The following H2BC12 variants were observed in gnomAD, a reference collection of about 807,000 sequenced individuals.
The protein encoded by H2BC12 is histone H2B type 1-K.
In H2BC12, 6 loss-of-function variants were observed where a neutral mutation model predicts 6.3. The ratio of observed to expected loss-of-function variants is 0.95; its 90% CI spans 0.52 to 1.87. The LOEUF (loss-of-function observed/expected upper bound fraction) is 1.87, where lower values mean the gene tolerates loss of function less well. H2BC12 is among the 40% of genes most tolerant of loss of function. H2BC12 has a pLI of 0.01. For missense variants in H2BC12, 119 were observed against 178.4 expected, an observed-to-expected ratio of 0.67 and a Z score of 1.90; for synonymous variants, 132 against 78.5, an observed-to-expected ratio of 1.68 and a Z score of -3.60.
At chr6:27,139,336 G>A in the H2BC12 span, 1 of 1,613,248 alleles carries the variant, frequency 6.2e-7, no homozygotes, top group Non-Finnish European at 8.5e-7. Context: ...AGGAGGTAAG[G>A]GCCTGGGGAA....
At chr6:27,142,608 A>G (rs1040969589), downstream of H2BC12, among the ~76,000 whole-genome samples, 11 of 141,166 alleles carry the variant, frequency 7.8e-5, no homozygotes, top group African/African-American at 2.4e-4. Context: ...AGATAAGTAC[A>G]TGTATGACGT....
chr6:27,140,419 T>C, the H2BC12 span, among the ~76,000 whole-genome samples: 1 of 152,242 alleles, frequency 6.6e-6, no homozygotes, highest in Admixed American at 6.5e-5. Context: ...ACATTTGCTC[T>C]TGAAATATAT....
At chr6:27,146,032 A>T (rs12193820), downstream of H2BC12, among the ~76,000 whole-genome samples, 1 of 152,204 alleles carries the variant, frequency 6.6e-6, no homozygotes, top group Non-Finnish European at 1.5e-5. Flanking sequence ...ACGCCATTAC[A>T]TGGTGGAAAG....
At chr6:27,145,234 A>C (rs571906444), downstream of H2BC12, among the ~76,000 whole-genome samples, 1 of 151,800 alleles carries the variant, frequency 6.6e-6, no homozygotes, top group Admixed American at 6.6e-5. Context: ...CTAATCTCCA[A>C]ATGCCTAAGG....
At chr6:27,143,919 AAG>A (rs1467414660), downstream of H2BC12, among the ~76,000 whole-genome samples, 3 of 152,002 alleles carry the variant, frequency 2.0e-5, no homozygotes, top group East Asian at 1.9e-4. Flanking sequence ...AACAATTTAA[AAG>A]AGATTATGAA....
downstream of H2BC12, among the ~76,000 whole-genome samples, chr6:27,142,702 T>C (rs1760021783): frequency 7.6e-6 from 1 of 131,642 alleles, no homozygotes; most frequent in Admixed American, 8.3e-5. Context: ...AGTGGCACAA[T>C]TTTGGCTCAC....
chr6:27,139,563 G>A, the H2BC12 span: 1 of 1,614,122 alleles, frequency 6.2e-7, no homozygotes, highest in Non-Finnish European at 8.5e-7. Flanking sequence ...TCACCGCCAT[G>A]GACGTGGTCT....
chr6:27,146,361 T>A lies in H2BC12; in HGVS notation c.*57A>T. On this transcript the variant is annotated 3_prime_UTR_variant, in exon 1 of 1. Coordinates refer to ENST00000356950, the MANE Select transcript of H2BC12 (RefSeq NM_001312653.2). ...GTTTACAGCTCTAATATCGATAATTTAAGTGGCTCTTAAAAGAGCCTTTGG... is the reference window on the plus strand; with the variant it reads ...GTTTACAGCTCTAATATCGATAATTAAAGTGGCTCTTAAAAGAGCCTTTGG... The A allele has an allele frequency of 6.2e-7, 1 of 1,608,704 alleles. No homozygotes were observed. The highest frequency in any genetic ancestry group is 1.1e-5 in the South Asian group (1 of 90,662).
rs375407376 is a variant in H2BC12, at chr6:27,146,703, G to A, written c.96C>T (p.Arg32=). 9.9e-6 allele frequency: 16 copies of A among 1,614,270 alleles called. No homozygotes were observed. The highest frequency in any genetic ancestry group is 2.7e-5 in the African/African-American group (2 of 75,074). Residue 32 remains arginine (R), a synonymous_variant, in exon 1 of 1, where the codon CGC becomes CGT. Coordinates refer to ENST00000356950, the MANE Select transcript of H2BC12 (RefSeq NM_001312653.2). ...ATACGGAGTAGCTCTCCTTGCGGCTGCGCTTGCGCTTCTTGCCGTCCTTCT... is the reference window on the plus strand; with the variant it reads ...ATACGGAGTAGCTCTCCTTGCGGCTACGCTTGCGCTTCTTGCCGTCCTTCT... The part of the protein sequence containing the change: ...AQKKDGKKRK[R]SRKESYSVYV...
chr6:27,146,163 G>A (rs1484201245), downstream of H2BC12, among the ~76,000 whole-genome samples: 6 of 152,186 alleles, frequency 3.9e-5, no homozygotes, highest in South Asian at 2.1e-4. Context: ...CAAGTTTCCT[G>A]CACATCCCTA....
chr6:27,140,427 T>TA, the H2BC12 span, among the ~76,000 whole-genome samples: 1 of 152,376 alleles, frequency 6.6e-6, no homozygotes, highest in East Asian at 1.9e-4. Context: ...TCTTGAAATA[T>TA]ATCCGTGTTG....
downstream of H2BC12, among the ~76,000 whole-genome samples, chr6:27,143,643 AT>A (rs935761087): frequency 4.6e-5 from 7 of 151,108 alleles, no homozygotes; most frequent in African/African-American, 1.7e-4. Flanking sequence ...GACCAAACAT[AT>A]GATTGCCAAG....
At chr6:27,139,307 T>C in the H2BC12 span, 3 of 1,601,984 alleles carry the variant, frequency 1.9e-6, no homozygotes, top group Non-Finnish European at 2.6e-6. Flanking sequence ...GACCACTTGA[T>C]AATGTCAGGA....
downstream of H2BC12, among the ~76,000 whole-genome samples, chr6:27,143,170 G>T (rs1466767099): frequency 6.6e-6 from 1 of 151,904 alleles, no homozygotes; most frequent in African/African-American, 2.4e-5. Flanking sequence ...TGGCCAACAT[G>T]GTGAAATCCC....
the H2BC12 span, chr6:27,139,394 G>T: frequency 7.4e-6 from 12 of 1,614,222 alleles, no homozygotes; most frequent in Middle Eastern, 1.6e-4. Context: ...AACATCCAGG[G>T]TATCACCAAG....
the H2BC12 span, chr6:27,139,419 C>T: frequency 6.2e-7 from 1 of 1,614,134 alleles, no homozygotes; most frequent in Admixed American, 1.7e-5. Context: ...CCATTCGGCG[C>T]CTTGCTCGCC....
At chr6:27,139,255 T>A in the H2BC12 span, 1 of 1,532,204 alleles carries the variant, frequency 6.5e-7, no homozygotes, top group Non-Finnish European at 8.8e-7. Context: ...AGGTTACCCA[T>A]AAAAGAAAGC....
the H2BC12 span, chr6:27,139,133 A>AG: frequency 1.7e-6 from 1 of 598,322 alleles, no homozygotes; most frequent in Non-Finnish European, 2.8e-6. Context: ...AAAGGACTGA[A>AG]GGAGAACAAG....
At chr6:27,139,908 A>G in the H2BC12 span, 4 of 444,282 alleles carry the variant, frequency 9.0e-6, no homozygotes, top group East Asian at 1.2e-4. Context: ...ATTAGTTTAG[A>G]AAGCCAAGGG....
Sources: allele counts gnomAD v4.1 joint callset (sites outside exome capture counted in the v4.1 genomes callset), GRCh38; gene constraint gnomAD v4.1.1; transcripts MANE v1.5; gene names NCBI Gene and HGNC (gene_info 2026-07-23, HGNC 2026-07-21).